Variants in HLCS observed in about 807,000 individuals in gnomAD.
HLCS encodes biotin--protein ligase.
A neutral mutation model predicts 75.0 loss-of-function variants in HLCS; 53 were observed. That is an observed-to-expected ratio of 0.71 (90% CI 0.57 to 0.89). The LOEUF (loss-of-function observed/expected upper bound fraction) is 0.89. Among genes scored for constraint, HLCS ranks in the 40% least tolerant of loss-of-function variants. The pLI is 0.00. For synonymous variants in HLCS, 431 were observed against 428.6 expected (o/e 1.01, Z -0.07); for missense variants, 966 against 1,074.0 (o/e 0.90, Z 1.41).
chr21:36,879,528 A>G (rs2064122730), intron 6 of HLCS, among the ~76,000 whole-genome samples: 3 of 152,178 alleles, frequency 2.0e-5, no homozygotes, highest in African/African-American at 7.2e-5. Context: ...CATTTTTTTC[A>G]ACAGTATTTG....
intron 2 of HLCS, among the ~76,000 whole-genome samples, chr21:36,946,372 G>A (rs2067394980): frequency 6.6e-6 from 1 of 151,980 alleles, no homozygotes; most frequent in Admixed American, 6.6e-5. Context: ...CTCCCGAGTA[G>A]CTGGGACGAC....
chr21:36,860,937 G>A (rs2835507), intron 6 of HLCS, among the ~76,000 whole-genome samples: 40,616 of 152,194 alleles, frequency 0.27, 6,287 homozygotes, highest in African/African-American at 0.43. Flanking sequence ...TATTTTTACA[G>A]AGAGCTTCAA....
At chr21:36,887,137 A>G (rs867680178) in intron 6 of HLCS, among the ~76,000 whole-genome samples, 5 of 152,108 alleles carry the variant, frequency 3.3e-5, no homozygotes, top group African/African-American at 7.2e-5. Context: ...CTCAAAAAAA[A>G]AAAAAAAAGT....
At chr21:36,977,847 A>AG (rs149018115) in intron 1 of HLCS, among the ~76,000 whole-genome samples, 2,682 of 152,348 alleles carry the variant, frequency 0.018, 75 homozygotes, top group African/African-American at 0.057. Context: ...ACAGCCACAC[A>AG]GGCTAAGAGT....
intron 6 of HLCS, among the ~76,000 whole-genome samples, chr21:36,857,580 G>A (rs1470012753): frequency 2.0e-5 from 3 of 152,038 alleles, no homozygotes; most frequent in African/African-American, 4.8e-5. Context: ...TCCTCACATC[G>A]ATCCTCCTTT....
At chr21:36,838,366 T>C (rs561254224) in intron 6 of HLCS, among the ~76,000 whole-genome samples, 1 of 151,446 alleles carries the variant, frequency 6.6e-6, no homozygotes, top group South Asian at 2.1e-4. Context: ...ATTCTGTAAA[T>C]GTTTACTTAC....
Position 36,842,672 on chromosome 21 carries a change from G to A in HLCS, c.1892+54188C>T, listed in dbSNP as rs541354906. On this transcript the variant is annotated intron_variant, in intron 6 of 10. Coordinates refer to ENST00000674895, the MANE Select transcript of HLCS (RefSeq NM_001352514.2). This position sits in a 1 kb window ranked among gnomAD's most constrained non-coding sequence, Gnocchi z 4.2. The stretch of plus-strand genomic sequence containing the variant: ...GCACGAGAATTGCTTGAACCCGGGA[G>A]GTGGAGGTTGCAGTAAGCCAAGATT... Among the ~76,000 whole-genome samples, 1 of 152,084 alleles carries A rather than the reference G, an allele frequency of 6.6e-6. No individual in the cohort carries two copies. The highest frequency in any genetic ancestry group is 1.5e-5 in the Non-Finnish European group (1 of 68,014).
At chr21:36,821,537 C>T (rs1283106803) in intron 6 of HLCS, among the ~76,000 whole-genome samples, 1 of 152,192 alleles carries the variant, frequency 6.6e-6, no homozygotes, top group Non-Finnish European at 1.5e-5. Flanking sequence ...TCTGCAGAAC[C>T]CTCCTCCCCA....
rs150853915 is a variant in HLCS, at chr21:36,989,158, T to C, written c.-393+1000A>G. Among the ~76,000 whole-genome samples, 926 of 151,616 alleles carry C rather than the reference T, an allele frequency of 6.1e-3. 12 individuals carry two copies. The highest frequency in any genetic ancestry group is 0.025 in the Admixed American group (386 of 15,208). ...CTAAAGCAATCCTCCCACCTCAGCC[T>C]CCGGAGTAGCTGAAACGAACTTTTC... On this transcript the variant is annotated intron_variant, in intron 1 of 11. Coordinates refer to the HLCS transcript ENST00000336648.
intron 6 of HLCS, among the ~76,000 whole-genome samples, chr21:36,835,396 G>A (rs1027519179): frequency 6.6e-6 from 1 of 152,164 alleles, no homozygotes; most frequent in Non-Finnish European, 1.5e-5. Context: ...CAACTAAAAT[G>A]TATTTTATTA....
At chr21:36,879,459 T>G (rs1279002797) in intron 6 of HLCS, among the ~76,000 whole-genome samples, 1 of 152,248 alleles carries the variant, frequency 6.6e-6, no homozygotes, top group Admixed American at 6.5e-5. Context: ...AAGATTAACA[T>G]GATTCATATC....
At chr21:36,802,082 T>C (rs2061221968) in intron 6 of HLCS, among the ~76,000 whole-genome samples, 2 of 152,186 alleles carry the variant, frequency 1.3e-5, no homozygotes, top group Admixed American at 6.5e-5. Flanking sequence ...TCTTTCAAAA[T>C]TGTGATTCAT....
intron 6 of HLCS, among the ~76,000 whole-genome samples, chr21:36,882,079 G>A (rs1033515255): frequency 1.3e-4 from 20 of 152,162 alleles, no homozygotes; most frequent in African/African-American, 2.7e-4. Flanking sequence ...TCAGATCATC[G>A]AGATCATCCT....
intron 6 of HLCS, among the ~76,000 whole-genome samples, chr21:36,855,690 T>C (rs1353695568): frequency 6.6e-6 from 1 of 152,018 alleles, no homozygotes; most frequent in Non-Finnish European, 1.5e-5. Flanking sequence ...GATACTCCCA[T>C]CTCAGTCTCC....
chr21:36,974,712 A>G (rs925483358), intron 1 of HLCS: 5 of 152,170 alleles, frequency 3.3e-5, no homozygotes, highest in African/African-American at 1.2e-4. Context: ...CTAGACACAG[A>G]CATGCACAGG....
intron 6 of HLCS, among the ~76,000 whole-genome samples, chr21:36,769,720 C>G (rs2090165426): frequency 6.6e-6 from 1 of 152,224 alleles, no homozygotes; most frequent in Non-Finnish European, 1.5e-5. Context: ...AATGAGACAG[C>G]CTCCTGACCA....
chr21:36,780,448 G>A (rs1184563216), intron 6 of HLCS, among the ~76,000 whole-genome samples: 2 of 151,876 alleles, frequency 1.3e-5, no homozygotes, highest in Non-Finnish European at 2.9e-5. Flanking sequence ...TCGATCTCCT[G>A]ACCTCGTGAT....
intron 6 of HLCS, among the ~76,000 whole-genome samples, chr21:36,869,744 C>T (rs2063706627): frequency 6.6e-6 from 1 of 152,116 alleles, no homozygotes; most frequent in Non-Finnish European, 1.5e-5. Flanking sequence ...TTTTGTTAAT[C>T]CTCCATCTTA....
intron 6 of HLCS, among the ~76,000 whole-genome samples, chr21:36,779,087 T>C (rs116893571): frequency 9.9e-5 from 15 of 152,232 alleles, no homozygotes; most frequent in Non-Finnish European, 2.1e-4. Flanking sequence ...TTGGTATTCA[T>C]GGAGGATTTG....
Sources: allele counts gnomAD v4.1 joint callset (sites outside exome capture counted in the v4.1 genomes callset), GRCh38; gene constraint gnomAD v4.1.1; non-coding constraint Gnocchi (gnomAD v3.1); transcripts MANE v1.5; gene names NCBI Gene and HGNC (gene_info 2026-07-23, HGNC 2026-07-21).